The following MEF2C variants were observed in gnomAD, a reference collection of about 807,000 sequenced individuals.
MEF2C encodes myocyte-specific enhancer factor 2C.
In MEF2C, 6 loss-of-function variants were observed where a neutral mutation model predicts 50.5. The ratio of observed to expected loss-of-function variants is 0.12; its 90% CI spans 0.07 to 0.23. The LOEUF is 0.23. Among genes scored for constraint, MEF2C ranks in the 10% least tolerant of loss-of-function variants. The pLI is 1.00. For synonymous variants in MEF2C, 183 were observed against 228.0 expected, an observed-to-expected ratio of 0.80 and a Z score of 1.78; for missense variants, 276 against 605.0, an observed-to-expected ratio of 0.46 and a Z score of 5.70.
intron 3 of MEF2C, chr5:88,771,572 G>GA: frequency 1.0e-6 from 1 of 985,378 alleles, no homozygotes; most frequent in Non-Finnish European, 1.2e-6. Context: ...TGAGTTCTGT[G>GA]AAAAATGGGC....
chr5:88,767,114 G>A (rs1780383975), intron 3 of MEF2C, among the ~76,000 whole-genome samples: 1 of 152,196 alleles, frequency 6.6e-6, no homozygotes, highest in Admixed American at 6.5e-5. Context: ...CTACAGAGAG[G>A]TGCTTTGAGG....
At chr5:88,870,830 C>A (rs1444787664) in intron 1 of MEF2C, among the ~76,000 whole-genome samples, 2 of 152,036 alleles carry the variant, frequency 1.3e-5, no homozygotes, top group African/African-American at 4.8e-5. Context: ...CTTATAAAAA[C>A]CCTTTCGGGT....
intron 6 of MEF2C, chr5:88,740,611 T>C: frequency 2.0e-6 from 2 of 984,556 alleles, no homozygotes; most frequent in Non-Finnish European, 2.4e-6. Context: ...GCCAGATGTC[T>C]GAGATTTAGC....
intron 1 of MEF2C, among the ~76,000 whole-genome samples, chr5:88,857,507 C>A (rs779124501): frequency 7.0e-4 from 107 of 152,038 alleles, no homozygotes; most frequent in Non-Finnish European, 1.2e-3. Flanking sequence ...TGGGAGGGGC[C>A]AGGGGAGAAA....
At chr5:88,752,684 C>T in intron 4 of MEF2C, 1 of 985,308 alleles carries the variant, frequency 1.0e-6, no homozygotes. Context: ...TGTACCGCCA[C>T]TGACAAATGG....
At chr5:88,756,995 T>A (rs1775667204) in intron 4 of MEF2C, among the ~76,000 whole-genome samples, 1 of 152,226 alleles carries the variant, frequency 6.6e-6, no homozygotes, top group African/African-American at 2.4e-5. Context: ...GGGCCCTTTT[T>A]AAAAAAGTAT....
intron 6 of MEF2C, chr5:88,738,176 T>C (rs983908062): frequency 9.1e-6 from 9 of 985,312 alleles, no homozygotes; most frequent in South Asian, 9.4e-5. Flanking sequence ...GTTTTCTCAA[T>C]AGAAGTATTT....
At chr5:88,878,771 G>A (rs1345160553) in intron 1 of MEF2C, among the ~76,000 whole-genome samples, 1 of 151,818 alleles carries the variant, frequency 6.6e-6, no homozygotes. Context: ...TCTCTTTTAA[G>A]ATATTTTAGT....
At chr5:88,823,149 T>C (rs1184589977) in intron 2 of MEF2C, among the ~76,000 whole-genome samples, 5 of 152,012 alleles carry the variant, frequency 3.3e-5, no homozygotes. Flanking sequence ...CCTCTATGTT[T>C]ATCAAATTCA....
chr5:88,778,978 C>T (rs1786312140), intron 3 of MEF2C, among the ~76,000 whole-genome samples: 1 of 152,236 alleles, frequency 6.6e-6, no homozygotes, highest in African/African-American at 2.4e-5. Flanking sequence ...CGGAGCTCCC[C>T]TGTTTTCTCT....
chr5:88,734,578 T>TTG, intron 6 of MEF2C: 1 of 932,920 alleles, frequency 1.1e-6, no homozygotes, highest in Non-Finnish European at 1.3e-6. Flanking sequence ...TTTTTTTTTT[T>TTG]TTTTTTTTTT....
At chr5:88,815,155 G>T (rs1335626191) in intron 2 of MEF2C, among the ~76,000 whole-genome samples, 1 of 151,994 alleles carries the variant, frequency 6.6e-6, no homozygotes, top group East Asian at 1.9e-4. Context: ...ATATTTTGGG[G>T]GCAAAAACAT....
At chr5:88,817,336 A>AGTTTAGTGTCGAATAGACCAG (rs1805937267) in intron 2 of MEF2C, among the ~76,000 whole-genome samples, 1 of 151,970 alleles carries the variant, frequency 6.6e-6, no homozygotes, top group East Asian at 1.9e-4. Flanking sequence ...TTTATTTTTC[A>AGTTTAGTGTCGAATAGACCAG]GTTTAGTGTC....
upstream of MEF2C, chr5:88,883,253 AGG>A (rs144197632): frequency 5.2e-5 from 7 of 133,600 alleles, no homozygotes; most frequent in African/African-American, 2.0e-4. Flanking sequence ...AGCGCGCGCG[AGG>A]GGGGGGGCGC....
intron 3 of MEF2C, among the ~76,000 whole-genome samples, chr5:88,794,105 A>G: frequency 6.6e-6 from 1 of 152,194 alleles, no homozygotes. Context: ...CAATAAACAT[A>G]CATGTGCATG....
chr5:88,736,970 G>T, intron 6 of MEF2C: 1 of 984,666 alleles, frequency 1.0e-6, no homozygotes, highest in Non-Finnish European at 1.2e-6. Context: ...GACAACTTCA[G>T]CCCACACTGA....
intron 3 of MEF2C, among the ~76,000 whole-genome samples, chr5:88,798,061 T>C (rs1022694309): frequency 7.2e-5 from 11 of 152,234 alleles, no homozygotes; most frequent in Admixed American, 4.6e-4. Flanking sequence ...GACCTTTCTC[T>C]CTGGCTGCCC....
At chr5:88,730,004 T>C (rs1410450890) in intron 8 of MEF2C, among the ~76,000 whole-genome samples, 1 of 147,712 alleles carries the variant, frequency 6.8e-6, no homozygotes, top group Non-Finnish European at 1.5e-5. Context: ...TCCTAAAATA[T>C]TGAAAACAGA....
chr5:88,827,776 G>C (rs1323130593), intron 1 of MEF2C, among the ~76,000 whole-genome samples: 3 of 151,190 alleles, frequency 2.0e-5, no homozygotes, highest in Admixed American at 1.3e-4. Flanking sequence ...ACCCTTTGAG[G>C]CAAATGAAAA....
Sources: allele counts gnomAD v4.1 joint callset (sites outside exome capture counted in the v4.1 genomes callset), GRCh38; gene constraint gnomAD v4.1.1; transcripts MANE v1.5; gene names NCBI Gene and HGNC (gene_info 2026-07-23, HGNC 2026-07-21).